The following ASTN2 variants were observed in gnomAD, a reference collection of about 807,000 sequenced individuals.
ASTN2 encodes astrotactin 2, also known as astrotactin-2.
Under a neutral mutation model 139.8 loss-of-function variants are expected in ASTN2, and 54 were observed. The ratio of observed to expected loss-of-function variants is 0.39; its 90% CI spans 0.31 to 0.48. ASTN2 has a LOEUF of 0.48. Ranked by LOEUF, ASTN2 falls within the 20% of genes least tolerant of loss-of-function variation. The pLI is 0.95. For synonymous variants in ASTN2, 756 were observed against 719.5 expected, an observed-to-expected ratio of 1.05 and a Z score of -0.81; for missense variants, 1,565 against 1,725.1, an observed-to-expected ratio of 0.91 and a Z score of 1.64.
intron 10 of ASTN2, among the ~76,000 whole-genome samples, chr9:116,955,194 A>G (rs958269321): frequency 4.6e-5 from 7 of 152,238 alleles, no homozygotes; most frequent in African/African-American, 1.7e-4. Flanking sequence ...TTGCAACAAC[A>G]TAAGAATATA....
intron 2 of ASTN2, among the ~76,000 whole-genome samples, chr9:117,264,451 AC>A (rs2133113971): frequency 6.6e-6 from 1 of 152,340 alleles, no homozygotes; most frequent in East Asian, 1.9e-4. Flanking sequence ...CCTTCCTCAT[AC>A]CACTGTTATA....
At chr9:117,368,572 C>T (rs1253558305) in intron 1 of ASTN2, among the ~76,000 whole-genome samples, 1 of 152,102 alleles carries the variant, frequency 6.6e-6, no homozygotes, top group African/African-American at 2.4e-5. Context: ...TTTCCATTAT[C>T]ATTGAGTTAA....
chr9:116,486,906 T>C (rs775238026), intron 20 of ASTN2, among the ~76,000 whole-genome samples: 1 of 152,118 alleles, frequency 6.6e-6, no homozygotes, highest in Admixed American at 6.6e-5. Flanking sequence ...GTATATTGTA[T>C]ATATATATCA....
At chr9:117,158,380 A>T (rs1216899286) in intron 3 of ASTN2, among the ~76,000 whole-genome samples, 1 of 152,106 alleles carries the variant, frequency 6.6e-6, no homozygotes, top group Non-Finnish European at 1.5e-5. Flanking sequence ...TCAAGACTGC[A>T]TTCTAATTTT....
chr9:116,896,522 T>G (rs1248355934), intron 10 of ASTN2, among the ~76,000 whole-genome samples: 14 of 152,066 alleles, frequency 9.2e-5, no homozygotes. Context: ...TTTCACCATG[T>G]TGGCCAGGAT....
At chr9:116,830,523 G>A (rs1203393680) in intron 11 of ASTN2, among the ~76,000 whole-genome samples, 1 of 152,068 alleles carries the variant, frequency 6.6e-6, no homozygotes, top group African/African-American at 2.4e-5. Context: ...CGGTCACGGT[G>A]GCTCAAGCCT....
chr9:117,011,781 A>T (rs1425810738), intron 6 of ASTN2, among the ~76,000 whole-genome samples: 1 of 152,228 alleles, frequency 6.6e-6, no homozygotes, highest in African/African-American at 2.4e-5. Flanking sequence ...GACATGGTCA[A>T]ATTTGCACAA....
At chr9:117,156,132 A>C (rs987487545) in intron 3 of ASTN2, among the ~76,000 whole-genome samples, 5 of 152,066 alleles carry the variant, frequency 3.3e-5, no homozygotes, top group Non-Finnish European at 7.4e-5. Flanking sequence ...CACCACTTCT[A>C]ATATTAATGT....
chr9:117,272,387 G>T (rs1380466865), intron 2 of ASTN2, among the ~76,000 whole-genome samples: 1 of 152,250 alleles, frequency 6.6e-6, no homozygotes, highest in African/African-American at 2.4e-5. Flanking sequence ...CCTGTGATAG[G>T]AGGGGCTGCT....
intron 1 of ASTN2, among the ~76,000 whole-genome samples, chr9:117,324,473 G>A (rs1564146751): frequency 1.3e-5 from 2 of 152,160 alleles, no homozygotes; most frequent in South Asian, 4.2e-4. Flanking sequence ...AGTGAAAGAG[G>A]GACTTGCCAA....
At chr9:117,187,977 T>C (rs1831245215) in intron 3 of ASTN2, among the ~76,000 whole-genome samples, 1 of 152,066 alleles carries the variant, frequency 6.6e-6, no homozygotes, top group Non-Finnish European at 1.5e-5. Context: ...TGGAGCAGGG[T>C]TTCTCAGCCT....
At chr9:117,047,858 T>C (rs10983476) in intron 5 of ASTN2, among the ~76,000 whole-genome samples, 35,199 of 152,040 alleles carry the variant, frequency 0.23, 4,717 homozygotes, top group Middle Eastern at 0.39. Flanking sequence ...TTATTATTAT[T>C]ATCATCATCA....
intron 4 of ASTN2, among the ~76,000 whole-genome samples, chr9:117,110,805 C>G (rs1001242401): frequency 6.6e-6 from 1 of 152,196 alleles, no homozygotes; most frequent in Non-Finnish European, 1.5e-5. Context: ...CTCAGGGAAC[C>G]TGAAGCAGCA....
At chr9:117,273,900 T>C (rs1335623592) in intron 2 of ASTN2, among the ~76,000 whole-genome samples, 1 of 152,238 alleles carries the variant, frequency 6.6e-6, no homozygotes, top group African/African-American at 2.4e-5. Context: ...GTTGTTGCTA[T>C]GTCACAACCT....
intron 10 of ASTN2, among the ~76,000 whole-genome samples, chr9:116,934,841 C>A (rs1002716446): frequency 3.9e-5 from 6 of 152,070 alleles, no homozygotes; most frequent in African/African-American, 1.4e-4. Context: ...ATGGTTGTTC[C>A]GTGATTTTCT....
At chr9:117,151,055 G>T (rs1293318325) in intron 3 of ASTN2, among the ~76,000 whole-genome samples, 1 of 151,934 alleles carries the variant, frequency 6.6e-6, no homozygotes, top group African/African-American at 2.4e-5. Context: ...AAGAGATGGA[G>T]TCTCCCTACG....
At chr9:116,876,880 T>C (rs1420017372) in intron 10 of ASTN2, among the ~76,000 whole-genome samples, 1 of 152,254 alleles carries the variant, frequency 6.6e-6, no homozygotes, top group Non-Finnish European at 1.5e-5. Context: ...ATTCACTTTA[T>C]TGTGATATTT....
At chr9:116,777,669 C>A (rs1830117880) in intron 13 of ASTN2, among the ~76,000 whole-genome samples, 1 of 152,154 alleles carries the variant, frequency 6.6e-6, no homozygotes, top group Non-Finnish European at 1.5e-5. Flanking sequence ...TTTCACCAAA[C>A]TCCCAGGTGA....
chr9:117,036,836 A>G (rs1172573750), intron 6 of ASTN2, among the ~76,000 whole-genome samples: 1 of 152,168 alleles, frequency 6.6e-6, no homozygotes, highest in Non-Finnish European at 1.5e-5. Context: ...TGCATTGTGT[A>G]TCTGAGATCT....
Sources: allele counts gnomAD v4.1 joint callset (sites outside exome capture counted in the v4.1 genomes callset), GRCh38; gene constraint gnomAD v4.1.1; transcripts MANE v1.5; gene names NCBI Gene and HGNC (gene_info 2026-07-23, HGNC 2026-07-21).